The following NUSAP1 variants were observed in gnomAD, a reference collection of about 807,000 sequenced individuals.
NUSAP1 encodes nucleolar and spindle-associated protein 1.
NUSAP1 carries 32 observed loss-of-function variants against 52.8 expected under a neutral mutation model. The ratio of observed to expected loss-of-function variants is 0.61; its 90% CI spans 0.46 to 0.81. The LOEUF (loss-of-function observed/expected upper bound fraction) is 0.81. NUSAP1 is among the 40% of genes least tolerant of loss of function. The pLI, the probability that NUSAP1 is intolerant of heterozygous loss-of-function variation, is 0.00. For missense variants in NUSAP1, 499 were observed against 522.3 expected, an observed-to-expected ratio of 0.96 and a Z score of 0.43; for synonymous variants, 195 against 183.1, an observed-to-expected ratio of 1.06 and a Z score of -0.52.
intron 8 of NUSAP1, among the ~76,000 whole-genome samples, chr15:41,372,962 C>A (rs1371024170): frequency 6.6e-6 from 1 of 151,764 alleles, no homozygotes; most frequent in Non-Finnish European, 1.5e-5. Context: ...GTGGCATGCA[C>A]CTATCATCCC....
intron 7 of NUSAP1, among the ~76,000 whole-genome samples, chr15:41,367,478 T>C (rs1369494970): frequency 6.6e-6 from 1 of 152,102 alleles, no homozygotes; most frequent in African/African-American, 2.4e-5. Context: ...TAGTAATGGA[T>C]ACATGCAGTG....
Position 41,335,768 on chromosome 15 carries a change from C to T in NUSAP1, c.93+2718C>T, listed in dbSNP as rs558314874. 6.6e-4 allele frequency among the ~76,000 whole-genome samples: 93 copies of T among 140,114 alleles called. 1 individual carries two copies. The highest frequency in any genetic ancestry group is 1.1e-3 in the Non-Finnish European group (70 of 66,094). 91.9% of individuals were successfully genotyped at this position (140,114 alleles called of 152,430 possible). A position where few individuals can be genotyped will look rare whatever the true frequency, so the allele number is the denominator to read the frequency against. On this transcript the variant is annotated intron_variant, in intron 1 of 10. Coordinates refer to ENST00000559596, the MANE Select transcript of NUSAP1 (RefSeq NM_016359.5). ...TATACTAAATATGCTATATTTATAC[C>T]GGTATAAATATACTAATATACTATA...
In NUSAP1 at chr15:41,335,575, ATATAT is replaced by A. The variant is rs557063813; in HGVS notation, c.93+2530_93+2534del. 8.7e-5 allele frequency among the ~76,000 whole-genome samples: 12 copies of A among 138,312 alleles called. No individual in the cohort carries two copies. The South Asian group carries it at 2.1e-3, about 24-fold the overall frequency. The allele number at this position is 138,312 out of a possible 152,430, so 90.7% of individuals were successfully genotyped here. A position where few individuals can be genotyped will look rare whatever the true frequency, so the allele number is the denominator to read the frequency against. ...ATACTAAATATATTTAATATACTAA[ATATAT>A]TATACTATAAATAAATATAAATACT... On this transcript the variant is annotated intron_variant, in intron 1 of 10. Coordinates refer to ENST00000559596, the MANE Select transcript of NUSAP1 (RefSeq NM_016359.5).
intron 10 of NUSAP1, among the ~76,000 whole-genome samples, chr15:41,379,116 G>A (rs1027118625): frequency 6.6e-6 from 1 of 151,544 alleles, no homozygotes; most frequent in African/African-American, 2.4e-5. Context: ...CCCGCGTGCA[G>A]CTAATTTTTG....
At chr15:41,362,562 C>G (rs924587428) in intron 6 of NUSAP1, among the ~76,000 whole-genome samples, 15 of 151,248 alleles carry the variant, frequency 9.9e-5, no homozygotes, top group African/African-American at 3.6e-4. Context: ...GTAGCTGGGA[C>G]TACGGGCGCC....
chr15:41,334,943 A>G lies in NUSAP1; in HGVS notation c.93+1893A>G, dbSNP rs1188257519. Among the ~76,000 whole-genome samples, 5 of 152,188 alleles carry G rather than the reference A, an allele frequency of 3.3e-5. 1 individual carries two copies. Reference sequence around the variant, plus strand: ...AAAATACTCAAGGAAAAAGAGAGGGAAACTAGATGAAGTAAGAACAGAAGA... The same window carrying G: ...AAAATACTCAAGGAAAAAGAGAGGGGAACTAGATGAAGTAAGAACAGAAGA... On this transcript the variant is annotated intron_variant, in intron 1 of 10. Coordinates refer to ENST00000559596, the MANE Select transcript of NUSAP1 (RefSeq NM_016359.5).
At chr15:41,363,643 G>A (rs1015422654) in intron 6 of NUSAP1, among the ~76,000 whole-genome samples, 14 of 152,124 alleles carry the variant, frequency 9.2e-5, no homozygotes, top group African/African-American at 3.4e-4. Flanking sequence ...AAAGTACTGA[G>A]ATTATAGGCA....
At chr15:41,338,868 G>A (rs538545483) in intron 1 of NUSAP1, among the ~76,000 whole-genome samples, 20 of 152,162 alleles carry the variant, frequency 1.3e-4, no homozygotes, top group Middle Eastern at 3.4e-3. Context: ...GGGAGGATGA[G>A]GCACGAAAAT....
At chr15:41,343,835 C>G (rs2048455544) in intron 2 of NUSAP1, among the ~76,000 whole-genome samples, 1 of 151,960 alleles carries the variant, frequency 6.6e-6, no homozygotes, top group Non-Finnish European at 1.5e-5. Flanking sequence ...TGAAAATAGA[C>G]AAGAACTATT....
At chr15:41,366,984 C>A (rs1158770484) in intron 7 of NUSAP1, among the ~76,000 whole-genome samples, 1 of 152,184 alleles carries the variant, frequency 6.6e-6, no homozygotes, top group Non-Finnish European at 1.5e-5. Context: ...GTAGTTTCTT[C>A]AGCTGTAATG....
intron 6 of NUSAP1, among the ~76,000 whole-genome samples, chr15:41,361,390 T>C (rs1299368395): frequency 6.6e-6 from 1 of 150,892 alleles, no homozygotes; most frequent in African/African-American, 2.4e-5. Flanking sequence ...TGAAACTCCA[T>C]CTCAAAAAAA....
chr15:41,357,406 T>A (rs1361083904), intron 5 of NUSAP1, among the ~76,000 whole-genome samples: 2 of 151,532 alleles, frequency 1.3e-5, no homozygotes, highest in Non-Finnish European at 1.5e-5. Context: ...AAGAAGAATA[T>A]GAGACAGAGA....
intron 1 of NUSAP1, among the ~76,000 whole-genome samples, chr15:41,342,052 A>G (rs1181594500): frequency 6.6e-6 from 1 of 152,166 alleles, no homozygotes; most frequent in East Asian, 1.9e-4. Context: ...GAGACATCAC[A>G]TCTTTATCTG....
chr15:41,356,966 T>C (rs1426593376), intron 5 of NUSAP1, among the ~76,000 whole-genome samples: 1 of 152,240 alleles, frequency 6.6e-6, no homozygotes, highest in Non-Finnish European at 1.5e-5. Context: ...AATGTTCATA[T>C]ACTTAATCAG....
chr15:41,369,849 C>G (rs1053510000), intron 7 of NUSAP1, among the ~76,000 whole-genome samples: 1 of 146,404 alleles, frequency 6.8e-6, no homozygotes, highest in Non-Finnish European at 1.5e-5. Context: ...GGGCAGATCA[C>G]GAGGTCAGGA....
intron 4 of NUSAP1, among the ~76,000 whole-genome samples, chr15:41,353,017 T>C (rs919394387): frequency 1.3e-5 from 2 of 152,188 alleles, no homozygotes; most frequent in Non-Finnish European, 2.9e-5. Context: ...TGGTTTTTCC[T>C]ATGGCTAGTC....
At chr15:41,350,129 G>A (rs1040150096) in intron 3 of NUSAP1, among the ~76,000 whole-genome samples, 1 of 152,162 alleles carries the variant, frequency 6.6e-6, no homozygotes, top group African/African-American at 2.4e-5. Flanking sequence ...GAGGAACGGA[G>A]AGACTAATAC....
intron 4 of NUSAP1, among the ~76,000 whole-genome samples, chr15:41,355,259 A>G (rs898977408): frequency 7.3e-5 from 11 of 151,044 alleles, no homozygotes; most frequent in African/African-American, 2.7e-4. Context: ...TGCAACCTCC[A>G]CCTCCTGGGT....
At chr15:41,342,796 G>A (rs1330799635) in intron 2 of NUSAP1, among the ~76,000 whole-genome samples, 7 of 152,012 alleles carry the variant, frequency 4.6e-5, no homozygotes, top group Admixed American at 2.6e-4. Flanking sequence ...CCAGGATCGC[G>A]CCACTGTACT....
Sources: gnomAD v4.1 joint callset for allele counts (sites outside exome capture counted in the v4.1 genomes callset) on GRCh38, gnomAD v4.1.1 for gene constraint, MANE v1.5 for transcripts, NCBI Gene and HGNC (gene_info 2026-07-23, HGNC 2026-07-21) for gene names.